Variants in DCC observed in about 807,000 individuals in gnomAD.
The protein encoded by DCC is DCC netrin 1 receptor.
Under a neutral mutation model 172.5 loss-of-function variants are expected in DCC, and 58 were observed. The ratio of observed to expected loss-of-function variants is 0.34; its 90% CI spans 0.27 to 0.42. DCC has a LOEUF of 0.42. Ranked by LOEUF, DCC falls within the 10% of genes least tolerant of loss-of-function variation. The pLI, the probability that DCC is intolerant of heterozygous loss-of-function variation, is 1.00. For missense variants in DCC, 1,740 were observed against 1,791.0 expected (o/e 0.97, Z 0.51); for synonymous variants, 709 against 644.5 (o/e 1.10, Z -1.52).
chr18:53,519,510 C>G (rs1217799868), intron 27 of DCC, among the ~76,000 whole-genome samples: 1 of 151,272 alleles, frequency 6.6e-6, no homozygotes, highest in Non-Finnish European at 1.5e-5. Context: ...TGAGCACCTC[C>G]CTCTCCCAAA....
intron 1 of DCC, among the ~76,000 whole-genome samples, chr18:52,437,667 T>A (rs1221779773): frequency 6.6e-6 from 1 of 152,216 alleles, no homozygotes; most frequent in East Asian, 1.9e-4. Flanking sequence ...ATGAGGTTTA[T>A]TTTAAAATTG....
chr18:53,184,652 G>T (rs909296663), intron 9 of DCC, among the ~76,000 whole-genome samples: 1 of 152,096 alleles, frequency 6.6e-6, no homozygotes, highest in African/African-American at 2.4e-5. Flanking sequence ...GTAATGCATT[G>T]CATTAGAATG....
At chr18:52,846,202 T>G (rs1032808285) in intron 2 of DCC, among the ~76,000 whole-genome samples, 6 of 152,124 alleles carry the variant, frequency 3.9e-5, no homozygotes, top group African/African-American at 1.4e-4. Context: ...TGGGCTACAG[T>G]ACTATGAAAG....
chr18:52,352,191 A>G (rs1365291217), intron 1 of DCC, among the ~76,000 whole-genome samples: 1 of 152,246 alleles, frequency 6.6e-6, no homozygotes, highest in Non-Finnish European at 1.5e-5. Context: ...TATAATAAGT[A>G]TTTCATAAAT....
At position 52,906,201 on chromosome 18, in the gene DCC, G is replaced by A. The variant is rs201360801; in HGVS notation, c.570G>A (p.Val190=). 1.2e-4 allele frequency: 187 copies of A among 1,613,926 alleles called. No homozygotes were observed. The highest frequency in any genetic ancestry group is 1.4e-4 in the Non-Finnish European group (170 of 1,179,974). ...CAATCCCAGGTGACTCCCGAGTGGT[G>A]GTCTTGCCCTCTGGAGCATTGCAGA... ...LTPIPGDSRV[V]VLPSGALQIS... The change falls in exon 3 of 29, where the codon GTG becomes GTA. Residue 190 remains valine, a synonymous_variant. Transcript: ENST00000442544.
intron 1 of DCC, among the ~76,000 whole-genome samples, chr18:52,579,854 G>A (rs2033502471): frequency 6.6e-6 from 1 of 152,146 alleles, no homozygotes; most frequent in Non-Finnish European, 1.5e-5. Flanking sequence ...TTCATTTGAA[G>A]AGAAATTATG....
At chr18:52,354,445 G>A (rs1255160710) in intron 1 of DCC, among the ~76,000 whole-genome samples, 1 of 152,160 alleles carries the variant, frequency 6.6e-6, no homozygotes, top group African/African-American at 2.4e-5. Flanking sequence ...TTAGATGGAG[G>A]CCTTACCCTC....
chr18:52,657,707 AC>A (rs1429154040), intron 1 of DCC, among the ~76,000 whole-genome samples: 1 of 152,186 alleles, frequency 6.6e-6, no homozygotes, highest in Non-Finnish European at 1.5e-5. Context: ...GAGAGACTGC[AC>A]CATAATTATA....
chr18:52,788,463 T>G (rs921258147), intron 2 of DCC, among the ~76,000 whole-genome samples: 1 of 152,156 alleles, frequency 6.6e-6, no homozygotes, highest in African/African-American at 2.4e-5. Flanking sequence ...TTAGCAAGCC[T>G]AGTATCTAAG....
At chr18:52,689,575 C>A (rs746913552) in intron 1 of DCC, among the ~76,000 whole-genome samples, 63 of 152,096 alleles carry the variant, frequency 4.1e-4, no homozygotes, top group Admixed American at 1.3e-4. Flanking sequence ...TCTTCAAGCG[C>A]AGTGCCTAGC....
intron 5 of DCC, among the ~76,000 whole-genome samples, chr18:53,018,775 C>T (rs2041842004): frequency 6.6e-6 from 1 of 152,034 alleles, no homozygotes; most frequent in Admixed American, 6.6e-5. Context: ...ATAAAACATG[C>T]TCTTTGCCTT....
At chr18:52,482,862 C>A (rs569063209) in intron 1 of DCC, among the ~76,000 whole-genome samples, 25 of 152,248 alleles carry the variant, frequency 1.6e-4, no homozygotes, top group Admixed American at 1.6e-3. Flanking sequence ...TTGGATGTCT[C>A]ATTTTCCATA....
chr18:53,284,808 G>A (rs77890168), intron 12 of DCC, among the ~76,000 whole-genome samples: 7,161 of 152,178 alleles, frequency 0.047, 588 homozygotes, highest in African/African-American at 0.16. Context: ...CCAAAATGCC[G>A]ATAATGACAT....
At chr18:52,621,728 C>G (rs575657493) in intron 1 of DCC, among the ~76,000 whole-genome samples, 3 of 152,304 alleles carry the variant, frequency 2.0e-5, no homozygotes, top group South Asian at 2.1e-4. Context: ...CTGGACACAA[C>G]TCAAAGTGTG....
intron 1 of DCC, among the ~76,000 whole-genome samples, chr18:52,645,166 T>C (rs72919040): frequency 0.14 from 21,169 of 152,150 alleles, 1,765 homozygotes; most frequent in Non-Finnish European, 0.19. Context: ...TTGATCAGCT[T>C]TTGAGTAAGA....
At chr18:53,007,703 AAATTTATGTTCCC>A (rs771861036) in intron 5 of DCC, among the ~76,000 whole-genome samples, 49 of 152,258 alleles carry the variant, frequency 3.2e-4, no homozygotes, top group Non-Finnish European at 1.9e-4. Flanking sequence ...AACATTTGGG[AAATTTATGTTCCC>A]AAAATTTCCA....
chr18:52,852,757 A>G (rs1431851273), intron 2 of DCC, among the ~76,000 whole-genome samples: 1 of 152,192 alleles, frequency 6.6e-6, no homozygotes, highest in East Asian at 1.9e-4. Context: ...TCTCCAAGCC[A>G]CATAAATAAC....
intron 12 of DCC, among the ~76,000 whole-genome samples, chr18:53,221,964 T>C (rs1482518630): frequency 6.6e-6 from 1 of 152,144 alleles, no homozygotes; most frequent in Non-Finnish European, 1.5e-5. Flanking sequence ...ACCAGAAACA[T>C]AAACATAGGA....
chr18:53,258,080 C>T (rs1161459671), intron 12 of DCC, among the ~76,000 whole-genome samples: 1 of 151,894 alleles, frequency 6.6e-6, no homozygotes, highest in East Asian at 1.9e-4. Context: ...TTTTTTCTTG[C>T]ATGTATTTGA....
Sources: allele counts gnomAD v4.1 joint callset (sites outside exome capture counted in the v4.1 genomes callset), GRCh38; gene constraint gnomAD v4.1.1; transcripts MANE v1.5; gene names NCBI Gene and HGNC (gene_info 2026-07-23, HGNC 2026-07-21).